Variants in UMODL1 observed in about 807,000 individuals in gnomAD.
UMODL1 encodes the protein uromodulin like 1.
In UMODL1, 128 loss-of-function variants were observed where a neutral mutation model predicts 136.3. That is an observed-to-expected ratio of 0.94 (90% CI 0.81 to 1.09). The LOEUF is 1.09. Among genes scored for constraint, UMODL1 ranks in the 50% least tolerant of loss-of-function variants. The probability of loss-of-function intolerance (pLI) is 0.00; values close to 1 mark genes in which losing one functional copy is unlikely to be tolerated. For synonymous variants in UMODL1, 721 were observed against 720.0 expected, an observed-to-expected ratio of 1.00 and a Z score of -0.02; for missense variants, 1,766 against 1,725.6, an observed-to-expected ratio of 1.02 and a Z score of -0.41.
chr21:42,069,151 C>T (rs986305818), upstream of UMODL1, among the ~76,000 whole-genome samples: 9 of 151,376 alleles, frequency 5.9e-5, no homozygotes, highest in African/African-American at 1.2e-4. Flanking sequence ...GTGAAAAATC[C>T]CTCCGGCCAT....
At chr21:42,069,840 A>G (rs1273732107), upstream of UMODL1, among the ~76,000 whole-genome samples, 1 of 151,692 alleles carries the variant, frequency 6.6e-6, no homozygotes, top group Non-Finnish European at 1.5e-5. Context: ...AATACTTTTT[A>G]TTCTTTTAGT....
Position 42,102,275 on chromosome 21 carries a change from C to A in UMODL1, c.1296C>A (p.His432Gln), listed in dbSNP as rs372368956. Reference sequence around the variant, plus strand: ...AGGACTTTTCTAGACAACTGCTTCACGAGGTAAAGCCACAATGCAGACAGA... The same window carrying A: ...AGGACTTTTCTAGACAACTGCTTCAAGAGGTAAAGCCACAATGCAGACAGA... ...EYQDFSRQLLHEVESSFPPVV... is the reference protein window; with the variant it reads ...EYQDFSRQLLQEVESSFPPVV... Residue 432 changes from histidine (H) to glutamine (Q), a missense_variant, in exon 8 of 23, where the codon CAC becomes CAA. Physicochemically the swap from His to Gln is conservative, Grantham distance 24. Transcript: ENST00000408910. 104 of 1,604,838 alleles carry A rather than the reference C, an allele frequency of 6.5e-5. No homozygotes were observed. Among genetic ancestry groups the A allele is most frequent in the Non-Finnish European group, 8.6e-5 (101 of 1,172,862 alleles).
At chr21:42,071,882 C>A (rs2066235875) in intron 1 of UMODL1, among the ~76,000 whole-genome samples, 5 of 101,542 alleles carry the variant, frequency 4.9e-5, no homozygotes, top group African/African-American at 1.5e-4. Context: ...CCCATGTGTA[C>A]CAAAAAAAAA....
At chr21:42,086,728 G>A (rs2066431016) in intron 4 of UMODL1, 2 of 431,422 alleles carry the variant, frequency 4.6e-6, no homozygotes, top group South Asian at 1.6e-5. Flanking sequence ...CACTTTGGGA[G>A]GCCGAGGCAG....
In UMODL1 at chr21:42,099,221, T is replaced by A. The variant is rs1311421375; in HGVS notation, c.1186+41T>A. 5.0e-6 allele frequency: 8 copies of A among 1,597,578 alleles called. No individual in the cohort carries two copies. Among genetic ancestry groups the A allele is most frequent in the Non-Finnish European group, 6.8e-6 (8 of 1,170,250 alleles). On this transcript the variant is annotated intron_variant, in intron 7 of 22. Coordinates refer to ENST00000408910, the MANE Select transcript of UMODL1 (RefSeq NM_001004416.3). The surrounding 1 kb of genome is among the most constrained non-coding windows in gnomAD (Gnocchi z 4.1). ...AGAGACCCACGTTAGCTTGCGAGCT[T>A]GTCTTTCTATCCCAGGTCTGTGGCC...
At chr21:42,068,232 G>C (rs1049147904), upstream of UMODL1, among the ~76,000 whole-genome samples, 5 of 152,222 alleles carry the variant, frequency 3.3e-5, no homozygotes, top group South Asian at 8.3e-4. The surrounding 1 kb of genome is among the most constrained non-coding windows in gnomAD (Gnocchi z 5.5). Flanking sequence ...GTGTTCAGGA[G>C]GACACGGTCC....
chr21:42,137,327 T>C, intron 21 of UMODL1, 112 bp from the exon 22 acceptor site: 1 of 1,367,344 alleles, frequency 7.3e-7, no homozygotes, highest in Non-Finnish European at 1.0e-6. Context: ...CACGTGGGCC[T>C]TGCATTCCCC....
chr21:42,123,175 G>A lies in UMODL1; in HGVS notation c.3147+25G>A. 1 of 1,593,966 alleles carries A rather than the reference G, an allele frequency of 6.3e-7. No homozygotes were observed. ...CGTAAGACCAGGAGAGCCAGGCTCA[G>A]GATGTACACTAGGGCGCAAGGGGCT... On this transcript the variant is annotated intron_variant, in intron 17 of 22. Coordinates refer to ENST00000408910, the MANE Select transcript of UMODL1 (RefSeq NM_001004416.3). This position sits in a 1 kb window ranked among gnomAD's most constrained non-coding sequence, Gnocchi z 4.4.
intron 17 of UMODL1, 146 bp from the exon 18 acceptor site, chr21:42,126,199 G>T: frequency 8.1e-7 from 1 of 1,240,942 alleles, no homozygotes; most frequent in Non-Finnish European, 1.1e-6. Flanking sequence ...GTTTATGGTT[G>T]GGAGAATCGC....
intron 18 of UMODL1, 92 bp from the exon 19 acceptor site, chr21:42,126,913 TG>T: frequency 1.9e-6 from 2 of 1,031,600 alleles, no homozygotes; most frequent in Non-Finnish European, 3.0e-6. Flanking sequence ...CACGTTCCTC[TG>T]GAGCTGTGTT....
chr21:42,136,379 CCT>C (rs2067205451), intron 21 of UMODL1, among the ~76,000 whole-genome samples: 1 of 152,222 alleles, frequency 6.6e-6, no homozygotes, highest in Admixed American at 6.5e-5. Context: ...CCACCTTCCC[CCT>C]GTCTCTGAAA....
In UMODL1 at chr21:42,115,891, G is replaced by A. The variant is rs749233356; in HGVS notation, c.2381G>A (p.Gly794Glu). 6.2e-7 allele frequency: 1 copy of A among 1,614,058 alleles called. No individual in the cohort carries two copies. Among genetic ancestry groups the A allele is most frequent in the Non-Finnish European group, 8.5e-7 (1 of 1,179,970 alleles). Residue 794 changes from glycine (G) to glutamate (E), a missense_variant, in exon 14 of 23, where the codon GGA becomes GAA. Physicochemically the swap from Gly to Glu is moderately conservative, Grantham distance 98. Transcript: ENST00000408910. ...CCTGCAGCAGCCCGGAAGCTCATTG[G>A]AAAGGTCAGAATCAAAAATGTCAGG... ...KVRTAARKLI[G>E]KVRIKNVRYS...
chr21:42,121,286 A>G, intron 16 of UMODL1, 62 bp downstream of exon 16: 2 of 1,551,744 alleles, frequency 1.3e-6, no homozygotes, highest in Admixed American at 1.9e-5. Context: ...TTTTAAGGAC[A>G]TTCACGTGCA....
chr21:42,130,466 C>CT (rs1314723761), intron 21 of UMODL1, among the ~76,000 whole-genome samples: 2 of 150,978 alleles, frequency 1.3e-5, no homozygotes, highest in African/African-American at 4.9e-5. Flanking sequence ...AAATTGTGTG[C>CT]TTTGGGTATT....
chr21:42,121,244 T>A lies in UMODL1; in HGVS notation c.2827+20T>A, dbSNP rs2066967929. ...GTGAAGGTAATGTCGTCAGAGTTTC[T>A]TCTTCTGGAATACTGTATCATAATC... is the stretch of plus-strand genomic sequence containing the variant. On this transcript the variant is annotated intron_variant, in intron 16 of 22. Coordinates refer to ENST00000408910, the MANE Select transcript of UMODL1 (RefSeq NM_001004416.3). 6.2e-7 allele frequency: 1 copy of A among 1,601,952 alleles called. No homozygotes were observed.
At chr21:42,130,371 C>T (rs1254850972) in intron 21 of UMODL1, among the ~76,000 whole-genome samples, 2 of 152,174 alleles carry the variant, frequency 1.3e-5, no homozygotes, top group East Asian at 3.8e-4. Flanking sequence ...ATTTTCAAAA[C>T]CCCACATCAA....
chr21:42,079,586 G>T (rs2066336204), intron 2 of UMODL1, among the ~76,000 whole-genome samples: 1 of 152,226 alleles, frequency 6.6e-6, no homozygotes, highest in African/African-American at 2.4e-5. Flanking sequence ...GTGAAGAGGG[G>T]GCAGATCTAG....
chr21:42,071,189 C>A, upstream of UMODL1: 1 of 985,152 alleles, frequency 1.0e-6, no homozygotes, highest in Non-Finnish European at 1.4e-6. Context: ...CCACCTGCAG[C>A]AGCACAGGGG....
chr21:42,117,969 C>A (rs897107609), intron 14 of UMODL1, among the ~76,000 whole-genome samples: 2 of 152,140 alleles, frequency 1.3e-5, no homozygotes, highest in African/African-American at 4.8e-5. Context: ...TTCAGGACAG[C>A]AAATAATTAT....
Sources: allele counts gnomAD v4.1 joint callset (sites outside exome capture counted in the v4.1 genomes callset), GRCh38; gene constraint gnomAD v4.1.1; non-coding constraint Gnocchi (gnomAD v3.1); transcripts MANE v1.5; gene names NCBI Gene and HGNC (gene_info 2026-07-23, HGNC 2026-07-21).